Variants in SP4 observed in about 807,000 individuals in gnomAD.
SP4 encodes transcription factor Sp4.
SP4 carries 19 observed loss-of-function variants against 72.8 expected under a neutral mutation model. That is an observed-to-expected ratio of 0.26 (90% CI 0.18 to 0.38). The LOEUF is 0.38. Ranked by LOEUF, SP4 falls within the 10% of genes least tolerant of loss-of-function variation. The probability of loss-of-function intolerance (pLI) is 1.00; values close to 1 mark genes in which losing one functional copy is unlikely to be tolerated. For missense variants in SP4, 1,008 were observed against 926.3 expected (o/e 1.09, Z -1.14); for synonymous variants, 395 against 333.1 (o/e 1.19, Z -2.02).
intron 3 of SP4, among the ~76,000 whole-genome samples, chr7:21,468,498 T>C (rs1784236059): frequency 6.6e-6 from 1 of 152,032 alleles, no homozygotes; most frequent in South Asian, 2.1e-4. Flanking sequence ...TTTGTGGTTA[T>C]TGTTGCTATT....
intron 5 of SP4, among the ~76,000 whole-genome samples, chr7:21,488,542 G>A (rs1023217079): frequency 1.4e-5 from 2 of 148,060 alleles, no homozygotes; most frequent in Non-Finnish European, 3.0e-5. Context: ...ATTTTAATGG[G>A]TGTCTCAGTG....
chr7:21,481,547 G>A lies in SP4; in HGVS notation c.1908-377G>A, dbSNP rs1784687869. Among the ~76,000 whole-genome samples the A allele has an allele frequency of 2.0e-5, 3 of 152,074 alleles. No individual in the cohort carries two copies. The South Asian group carries it at 6.2e-4, about 32-fold the overall frequency. On this transcript the variant is annotated intron_variant, in intron 4 of 5. Transcript: ENST00000222584. Reference sequence around the variant, plus strand: ...TCCATGGAACTCCTCACACTGCCCTGCTAGAAACGAAACTCTGCATCTTAC... The same window carrying A: ...TCCATGGAACTCCTCACACTGCCCTACTAGAAACGAAACTCTGCATCTTAC...
At chr7:21,456,077 G>C (rs1783755664) in intron 3 of SP4, among the ~76,000 whole-genome samples, 1 of 152,158 alleles carries the variant, frequency 6.6e-6, no homozygotes, top group Non-Finnish European at 1.5e-5. Context: ...TCATATGCTT[G>C]CAAAAACAGC....
chr7:21,502,216 A>G (rs557891949), intron 5 of SP4, among the ~76,000 whole-genome samples: 5 of 152,272 alleles, frequency 3.3e-5, no homozygotes, highest in African/African-American at 9.6e-5. Flanking sequence ...GACGGTAACA[A>G]CTTATCATCC....
chr7:21,498,429 C>T (rs1472917163), intron 5 of SP4, among the ~76,000 whole-genome samples: 1 of 152,042 alleles, frequency 6.6e-6, no homozygotes, highest in African/African-American at 2.4e-5. Context: ...GTAAATGATA[C>T]TGGAAAATGT....
chr7:21,471,958 G>C (rs1784358022), intron 3 of SP4, among the ~76,000 whole-genome samples: 1 of 152,196 alleles, frequency 6.6e-6, no homozygotes, highest in Admixed American at 6.5e-5. Context: ...TTGTTGTCAG[G>C]GTGAAGGAGA....
Position 21,477,055 on chromosome 7 carries a change from CT to C in SP4, c.1679-22del, listed in dbSNP as rs775518709. 8.3e-6 allele frequency: 13 copies of C among 1,562,774 alleles called. No homozygotes were observed. The Admixed American group carries it at 2.2e-4, about 26-fold the overall frequency. ...TTTAGGTGTAGAAAACATTACAATA[CT>C]TCTTTTTTTTCTTCCTTTTTAGGTC... On this transcript the variant is annotated intron_variant, in intron 3 of 5. Coordinates refer to ENST00000222584, the MANE Select transcript of SP4 (RefSeq NM_003112.5).
At chr7:21,465,436 T>C (rs746688871) in intron 3 of SP4, among the ~76,000 whole-genome samples, 4 of 152,214 alleles carry the variant, frequency 2.6e-5, no homozygotes, top group Non-Finnish European at 5.9e-5. Flanking sequence ...CTTTGCCACT[T>C]AATAGCAGCT....
intron 3 of SP4, among the ~76,000 whole-genome samples, chr7:21,435,653 C>T (rs956179299): frequency 2.0e-5 from 3 of 152,082 alleles, no homozygotes; most frequent in African/African-American, 7.2e-5. Flanking sequence ...AGATTTACTC[C>T]AGTAATCTTA....
At chr7:21,500,871 G>A (rs1033292275) in intron 5 of SP4, among the ~76,000 whole-genome samples, 2 of 152,170 alleles carry the variant, frequency 1.3e-5, no homozygotes, top group Non-Finnish European at 2.9e-5. Context: ...CTTTTACCAT[G>A]TTACTTAATG....
chr7:21,453,840 A>C (rs1254191055), intron 3 of SP4, among the ~76,000 whole-genome samples: 3 of 152,246 alleles, frequency 2.0e-5, no homozygotes, highest in African/African-American at 7.2e-5. Context: ...ACGTGTTCAC[A>C]CAGGATTTCT....
intron 3 of SP4, among the ~76,000 whole-genome samples, chr7:21,431,092 A>T (rs1304617357): frequency 4.6e-5 from 7 of 152,256 alleles, no homozygotes; most frequent in Admixed American, 2.0e-4. Context: ...TATGGGACAG[A>T]GCTTTCTGAT....
At position 21,482,145 on chromosome 7, in the gene SP4, T is replaced by C. The variant is rs779693505; in HGVS notation, c.2107+22T>C. On this transcript the variant is annotated intron_variant, in intron 5 of 5. Coordinates refer to ENST00000222584, the MANE Select transcript of SP4 (RefSeq NM_003112.5). ...ACAGGTTAGTTGATTTTAGGACTTG[T>C]ACTTTTTACTTATTTCTTCAGTTTT... is the stretch of plus-strand genomic sequence containing the variant. The C allele has an allele frequency of 2.2e-5, 34 of 1,561,562 alleles. 1 individual carries two copies. In the South Asian group the frequency reaches 3.8e-4, roughly 17 times the overall value.
chr7:21,492,456 T>G (rs1384727921), intron 5 of SP4, among the ~76,000 whole-genome samples: 1 of 152,184 alleles, frequency 6.6e-6, no homozygotes, highest in African/African-American at 2.4e-5. Flanking sequence ...TGGAGTGTGT[T>G]GTTTTTCAGT....
At chr7:21,503,321 A>G (rs1270853795) in intron 5 of SP4, among the ~76,000 whole-genome samples, 1 of 152,064 alleles carries the variant, frequency 6.6e-6, no homozygotes, top group Non-Finnish European at 1.5e-5. Flanking sequence ...CCATATAATG[A>G]CTCGTAGAGG....
At position 21,453,896 on chromosome 7, in the gene SP4, C is replaced by T. The variant is rs188191650; in HGVS notation, c.1678+23053C>T. Reference sequence around the variant, plus strand: ...CACATCTGCCACGACTTGCTCAAACCTTTAGCTTTATCCTATCTAACTTAA... The same window carrying T: ...CACATCTGCCACGACTTGCTCAAACTTTTAGCTTTATCCTATCTAACTTAA... On this transcript the variant is annotated intron_variant, in intron 3 of 5. Coordinates refer to ENST00000222584, the MANE Select transcript of SP4 (RefSeq NM_003112.5). Among the ~76,000 whole-genome samples, 548 of 152,286 alleles carry T rather than the reference C, an allele frequency of 3.6e-3. 2 individuals carry two copies. Among genetic ancestry groups the T allele is most frequent in the Non-Finnish European group, 6.5e-3 (440 of 68,008 alleles).
chr7:21,485,683 A>G (rs1194216596), intron 5 of SP4, among the ~76,000 whole-genome samples: 1 of 151,816 alleles, frequency 6.6e-6, no homozygotes, highest in Non-Finnish European at 1.5e-5. Context: ...CTCTTAACTC[A>G]CCACTCTATT....
At chr7:21,509,967 T>C (rs761984149) in intron 5 of SP4, among the ~76,000 whole-genome samples, 1 of 152,262 alleles carries the variant, frequency 6.6e-6, no homozygotes, top group East Asian at 1.9e-4. Flanking sequence ...ACATCTCGTG[T>C]GGATGGTGGC....
At chr7:21,433,007 C>T (rs1782917127) in intron 3 of SP4, among the ~76,000 whole-genome samples, 1 of 152,158 alleles carries the variant, frequency 6.6e-6, no homozygotes, top group Non-Finnish European at 1.5e-5. Flanking sequence ...CAAACAAACT[C>T]ACTGAAGTTT....
Sources: gnomAD v4.1 joint callset for allele counts (sites outside exome capture counted in the v4.1 genomes callset) on GRCh38, gnomAD v4.1.1 for gene constraint, MANE v1.5 for transcripts, NCBI Gene and HGNC (gene_info 2026-07-23, HGNC 2026-07-21) for gene names.